ZPLD1: variants seen among roughly 807,000 people sequenced by gnomAD.
ZPLD1 encodes the protein zona pellucida-like domain-containing protein 1.
Under a neutral mutation model 47.2 loss-of-function variants are expected in ZPLD1, and 34 were observed. That is an observed-to-expected ratio of 0.72 (90% CI 0.55 to 0.96). ZPLD1 has a LOEUF of 0.96. ZPLD1 is among the 40% of genes least tolerant of loss of function. The pLI is 0.00. For synonymous variants in ZPLD1, 176 were observed against 186.2 expected (o/e 0.95, Z 0.45); for missense variants, 512 against 505.8 (o/e 1.01, Z -0.12).
At chr3:102,401,573 A>G (rs1706620632) in intron 7 of ZPLD1, among the ~76,000 whole-genome samples, 1 of 152,118 alleles carries the variant, frequency 6.6e-6, no homozygotes, top group South Asian at 2.1e-4. Context: ...AAAGAAGAGC[A>G]TTCACTGTCT....
At chr3:102,407,459 CT>C (rs1396707988) in intron 7 of ZPLD1, among the ~76,000 whole-genome samples, 10 of 94,174 alleles carry the variant, frequency 1.1e-4, no homozygotes, top group Admixed American at 4.2e-4. Context: ...ATATGCCATC[CT>C]TTATGAGTCC....
At position 102,435,075 on chromosome 3, in the gene ZPLD1, G is replaced by C; in HGVS notation, c.-202G>C. The C allele has an allele frequency of 1.2e-6, 2 of 1,611,796 alleles. No individual in the cohort carries two copies. The highest frequency in any genetic ancestry group is 8.5e-7 in the Non-Finnish European group (1 of 1,177,914). On this transcript the variant is annotated 5_prime_UTR_variant, in exon 1 of 12. Coordinates refer to ENST00000466937, the MANE Select transcript of ZPLD1 (RefSeq NM_001329788.2). The stretch of plus-strand genomic sequence containing the variant: ...ATTCAATTTCAGAAAAGTATTTAGG[G>C]ACTGTGCTAAAATAGCATCTCCAAG...
chr3:102,452,965 GAAGATTA>G lies in ZPLD1; in HGVS notation c.155_161del (p.Lys52IlefsTer17), dbSNP rs761006875. Reference sequence around the variant, plus strand: ...ATTGTGGAGTGCAGGCTATTACGATGAAGATTAATTTTTGCACGGTACTTTTCTCGGG... The same window carrying G: ...ATTGTGGAGTGCAGGCTATTACGATGATTTTTGCACGGTACTTTTCTCGGG... On this transcript the variant is annotated frameshift_variant, in exon 4 of 12. Transcript: ENST00000466937. LOFTEE classifies it high-confidence loss of function. 22 of 1,613,964 alleles carry G rather than the reference GAAGATTA, an allele frequency of 1.4e-5. No individual in the cohort carries two copies. Among genetic ancestry groups the G allele is most frequent in the Non-Finnish European group, 1.9e-5 (22 of 1,179,974 alleles).
At chr3:102,410,656 G>A (rs1706739129) in intron 7 of ZPLD1, among the ~76,000 whole-genome samples, 2 of 151,712 alleles carry the variant, frequency 1.3e-5, no homozygotes, top group African/African-American at 4.8e-5. Context: ...TAGAAATGGT[G>A]AAATCAGGAA....
At chr3:102,429,754 C>CACA (rs1559748592) in intron 8 of ZPLD1, among the ~76,000 whole-genome samples, 1 of 152,010 alleles carries the variant, frequency 6.6e-6, no homozygotes, top group Non-Finnish European at 1.5e-5. Flanking sequence ...CCACCACCAC[C>CACA]ACAACAGATA....
chr3:102,469,033 A>C lies in ZPLD1; in HGVS notation c.831A>C (p.Glu277Asp). 1 of 1,614,164 alleles carries C rather than the reference A, an allele frequency of 6.2e-7. No homozygotes were observed. The highest frequency in any genetic ancestry group is 8.5e-7 in the Non-Finnish European group (1 of 1,179,998). Reference sequence around the variant, plus strand: ...GCCAGCGGGGCCGGTTTTCTTTTGAAGTGTTCCGATTTGTGAAACACAAGA... The same window carrying C: ...GCCAGCGGGGCCGGTTTTCTTTTGACGTGTTCCGATTTGTGAAACACAAGA... ...GRSQRGRFSF[E>D]VFRFVKHKNQ... The change falls in exon 9 of 12, where the codon GAA becomes GAC. Residue 277 changes from glutamate (E) to aspartate (D), a missense_variant. Transcript: ENST00000466937.
intron 8 of ZPLD1, among the ~76,000 whole-genome samples, chr3:102,421,502 A>G (rs1706879578): frequency 6.6e-6 from 1 of 151,900 alleles, no homozygotes; most frequent in Non-Finnish European, 1.5e-5. Context: ...TGTATTATGT[A>G]TTTGTGCTCA....
intron 8 of ZPLD1, among the ~76,000 whole-genome samples, chr3:102,424,402 T>C (rs181909533): frequency 4.1e-4 from 62 of 152,278 alleles, no homozygotes; most frequent in Non-Finnish European, 7.2e-4. Flanking sequence ...TACTATATAT[T>C]TATAACAAGC....
At position 102,477,038 on chromosome 3, in the gene ZPLD1, C is replaced by T. The variant is rs770595373; in HGVS notation, c.1069C>T (p.Leu357Phe). 1 of 1,613,518 alleles carries T rather than the reference C, an allele frequency of 6.2e-7. No individual in the cohort carries two copies. The highest frequency in any genetic ancestry group is 1.1e-5 in the South Asian group (1 of 91,046). The change falls in exon 11 of 12, where the codon CTT (leucine) becomes TTT (phenylalanine). Residue 357 changes from leucine to phenylalanine, a missense_variant. Leu to Phe is a conservative substitution (Grantham distance 22, BLOSUM62 0). Coordinates refer to ENST00000466937, the MANE Select transcript of ZPLD1 (RefSeq NM_001329788.2). ...TGAGACTCCAACCAACAATTCGCAA[C>T]TTGGTAAGATAATTAACATATTTTG... ...SDETPTNNSQ[L>F]GSPSMPPFQL...
At chr3:102,430,163 T>C (rs1162169161), upstream of ZPLD1, among the ~76,000 whole-genome samples, 1 of 152,088 alleles carries the variant, frequency 6.6e-6, no homozygotes, top group Non-Finnish European at 1.5e-5. Context: ...TGGACTTTCT[T>C]CCAAAAAAGT....
chr3:102,422,183 C>G (rs1260647545), intron 8 of ZPLD1, among the ~76,000 whole-genome samples: 1 of 151,988 alleles, frequency 6.6e-6, no homozygotes, highest in Non-Finnish European at 1.5e-5. Flanking sequence ...GATCTGCACT[C>G]TAGTAGCTCC....
chr3:102,461,307 T>C (rs1707503615), intron 6 of ZPLD1, among the ~76,000 whole-genome samples: 1 of 151,998 alleles, frequency 6.6e-6, no homozygotes, highest in African/African-American at 2.4e-5. Flanking sequence ...ACTGCTTAAA[T>C]TTGGAGGGTT....
intron 7 of ZPLD1, among the ~76,000 whole-genome samples, chr3:102,412,913 C>G (rs1391898532): frequency 6.6e-6 from 1 of 151,566 alleles, no homozygotes; most frequent in Non-Finnish European, 1.5e-5. Context: ...GAGATTCAAG[C>G]ATTGAGGGCG....
At chr3:102,455,671 G>A (rs1373721639) in intron 4 of ZPLD1, among the ~76,000 whole-genome samples, 1 of 152,170 alleles carries the variant, frequency 6.6e-6, no homozygotes, top group African/African-American at 2.4e-5. Flanking sequence ...ACTGCCCAGC[G>A]AGCAGGCTGC....
At chr3:102,396,064 T>C (rs1269160640) in intron 7 of ZPLD1, among the ~76,000 whole-genome samples, 1 of 152,194 alleles carries the variant, frequency 6.6e-6, no homozygotes, top group Non-Finnish European at 1.5e-5. Flanking sequence ...GTTCAATTTT[T>C]TCTTTAATTG....
At chr3:102,409,581 GGA>G (rs1284209377) in intron 7 of ZPLD1, among the ~76,000 whole-genome samples, 5 of 151,740 alleles carry the variant, frequency 3.3e-5, no homozygotes, top group Non-Finnish European at 7.4e-5. Context: ...CAGATTATAT[GGA>G]GTATTTGTTT....
chr3:102,394,620 G>A (rs1706536592), intron 7 of ZPLD1, among the ~76,000 whole-genome samples: 1 of 152,116 alleles, frequency 6.6e-6, no homozygotes, highest in South Asian at 2.1e-4. Flanking sequence ...TTCCAAAGAA[G>A]TTATTTTAAA....
chr3:102,448,212 ACT>A (rs1707286696), intron 3 of ZPLD1, among the ~76,000 whole-genome samples: 1 of 152,130 alleles, frequency 6.6e-6, no homozygotes, highest in Non-Finnish European at 1.5e-5. Flanking sequence ...CTGCACATAA[ACT>A]CTGTCTGCAG....
chr3:102,414,109 T>C lies in ZPLD1; in HGVS notation c.-156-3951T>C, dbSNP rs188057027. On this transcript the variant is annotated intron_variant, in intron 7 of 17. Coordinates refer to the ZPLD1 transcript ENST00000491959. ...TTCACCAGGTGGCTCTTATCACTTA[T>C]TTATATCACCTTCCAGCCTTGGTGG... Among the ~76,000 whole-genome samples, 118 of 151,892 alleles carry C rather than the reference T, an allele frequency of 7.8e-4. 1 individual carries two copies. Among genetic ancestry groups the C allele is most frequent in the African/African-American group, 2.8e-3 (115 of 41,504 alleles).
Sources: gnomAD v4.1 joint callset for allele counts (sites outside exome capture counted in the v4.1 genomes callset) on GRCh38, gnomAD v4.1.1 for gene constraint, MANE v1.5 for transcripts, NCBI Gene and HGNC (gene_info 2026-07-23, HGNC 2026-07-21) for gene names.